Variants in LINC00632 observed in about 807,000 individuals in gnomAD.
LINC00632 encodes the protein ALDOA related specific transcript.
intron 2 of LINC00632, among the ~76,000 whole-genome samples, chrX:140,723,374 C>G (rs113328083): frequency 1.2e-4 from 2 of 17,026 alleles, no homozygotes; most frequent in Non-Finnish European, 2.3e-4. Flanking sequence ...ACACACATTC[C>G]ATACACACAC....
intron 3 of LINC00632, among the ~76,000 whole-genome samples, chrX:140,764,969 G>A (rs1264573532): frequency 9.0e-6 from 1 of 111,316 alleles, no homozygotes; most frequent in Non-Finnish European, 1.9e-5. Context: ...CACTCGCCTC[G>A]GGTGCAAAAT....
At chrX:140,713,804 A>C in intron 2 of LINC00632, 1 of 329,745 alleles carries the variant, frequency 3.0e-6, no homozygotes, top group Non-Finnish European at 6.0e-6. Flanking sequence ...CACCTGAGGC[A>C]CACTGATGCA....
intron 3 of LINC00632, among the ~76,000 whole-genome samples, chrX:140,770,735 T>C (rs1931775420): frequency 8.9e-6 from 1 of 111,764 alleles, no homozygotes; most frequent in South Asian, 3.8e-4. Flanking sequence ...ATTCCCTCAG[T>C]TCTTCCAAAA....
intron 3 of LINC00632, among the ~76,000 whole-genome samples, chrX:140,761,994 A>T (rs1224216014): frequency 2.7e-5 from 3 of 111,859 alleles, no homozygotes; most frequent in African/African-American, 9.8e-5. Context: ...ACCTTGAGTA[A>T]GCCAATGTTT....
Position 140,726,704 on chromosome X carries a change from C to T in LINC00632, n.105-7174C>T, listed in dbSNP as rs897808601. ...CCAGATTGCATCAGAGCAGACACTC[C>T]ACCCAAGATATACGGCTTCTTCCAC... On this transcript the variant is annotated intron_variant and non_coding_transcript_variant, in intron 2 of 4. Coordinates refer to ENST00000648200, the Ensembl canonical transcript of LINC00632. Among the ~76,000 whole-genome samples the T allele has an allele frequency of 5.4e-5, 6 of 111,975 alleles. No homozygotes were observed. The Admixed American group carries it at 5.7e-4, about 11-fold the overall frequency.
chrX:140,724,595 C>T (rs760824925), intron 2 of LINC00632, among the ~76,000 whole-genome samples: 1 of 9,456 alleles, frequency 1.1e-4, no homozygotes, highest in Admixed American at 1.4e-3. Context: ...CACAGACACA[C>T]ATTCTGTACA....
exon 5 of LINC00632, chrX:140,783,434 C>T (rs1407780311): frequency 1.6e-5 from 10 of 614,981 alleles, no homozygotes; most frequent in Admixed American, 3.7e-5. Context: ...GGAAAATCCA[C>T]GTCTTCCAGG....
chrX:140,726,082 C>T (rs1199126538), intron 2 of LINC00632, among the ~76,000 whole-genome samples: 1 of 109,981 alleles, frequency 9.1e-6, no homozygotes, highest in Non-Finnish European at 1.9e-5. Context: ...TTTTTCTACA[C>T]TGCCAACACT....
chrX:140,776,189 T>G (rs1045650066), exon 5 of LINC00632, among the ~76,000 whole-genome samples: 1 of 112,087 alleles, frequency 8.9e-6, no homozygotes, highest in Non-Finnish European at 1.9e-5. Flanking sequence ...TCATCACTGA[T>G]CATTAGAGAA....
chrX:140,791,180 T>C (rs1368689492), exon 5 of LINC00632, among the ~76,000 whole-genome samples: 1 of 110,505 alleles, frequency 9.0e-6, no homozygotes, highest in African/African-American at 3.4e-5. Flanking sequence ...CTGTTCTTGA[T>C]TGACTTATAA....
At chrX:140,782,021 G>C (rs1443543723) in exon 5 of LINC00632, among the ~76,000 whole-genome samples, 1 of 112,118 alleles carries the variant, frequency 8.9e-6, no homozygotes, top group African/African-American at 3.2e-5. Flanking sequence ...AATAAGGCCA[G>C]TTCATTGAGA....
intron 2 of LINC00632, among the ~76,000 whole-genome samples, chrX:140,733,673 A>C (rs1931096578): frequency 1.8e-5 from 2 of 112,361 alleles, no homozygotes; most frequent in South Asian, 7.3e-4. Flanking sequence ...AGATGTATTA[A>C]TCAACTTTTT....
Position 140,729,710 on chromosome X carries a change from A to T in LINC00632, n.105-4168A>T, listed in dbSNP as rs188750072. Among the ~76,000 whole-genome samples the T allele has an allele frequency of 8.1e-4, 89 of 110,456 alleles. No homozygotes were observed. The Middle Eastern group carries it at 0.014, about 17-fold the overall frequency. On this transcript the variant is annotated intron_variant and non_coding_transcript_variant, in intron 2 of 4. Coordinates refer to ENST00000648200, the Ensembl canonical transcript of LINC00632. ...ACAAAGCATGCTCACCCCAAACCAG[A>T]TGCCGATGACCAACTGGGTCCATGC... is the stretch of plus-strand genomic sequence containing the variant.
chrX:140,711,941 C>A (rs1930525143), intron 2 of LINC00632: 1 of 124,671 alleles, frequency 8.0e-6, no homozygotes, highest in African/African-American at 3.3e-5. Context: ...ACCTAGAATT[C>A]ATTTTGATAT....
chrX:140,783,735 C>CTT (rs754934396), exon 5 of LINC00632: 2 of 1,211,271 alleles, frequency 1.7e-6, no homozygotes, highest in South Asian at 3.5e-5. Context: ...CAATCCACAT[C>CTT]TTCCGGAAAA....
intron 3 of LINC00632, among the ~76,000 whole-genome samples, chrX:140,762,966 ATATATT>A (rs1473972468): frequency 8.9e-6 from 1 of 112,144 alleles, no homozygotes; most frequent in Non-Finnish European, 1.9e-5. Context: ...TCCTTAATCT[ATATATT>A]TATAACTCTC....
At chrX:140,755,077 G>A (rs1360810808) in intron 3 of LINC00632, among the ~76,000 whole-genome samples, 1 of 111,783 alleles carries the variant, frequency 8.9e-6, no homozygotes, top group Non-Finnish European at 1.9e-5. Flanking sequence ...ATTTAGAACA[G>A]ATTTTCAAAA....
intron 2 of LINC00632, among the ~76,000 whole-genome samples, chrX:140,728,032 G>A (rs1386410616): frequency 1.8e-5 from 2 of 110,972 alleles, no homozygotes; most frequent in Non-Finnish European, 3.8e-5. Context: ...CCTGACATTG[G>A]GAGTTCGAGA....
At chrX:140,713,736 A>G (rs749636171) in intron 2 of LINC00632, 1 of 341,580 alleles carries the variant, frequency 2.9e-6, no homozygotes, top group South Asian at 2.6e-5. Context: ...TGGACACCCC[A>G]ATCCCCGTAT....
Sources: gnomAD v4.1 joint callset for allele counts (sites outside exome capture counted in the v4.1 genomes callset) on GRCh38, gnomAD v4.1.1 for gene constraint, MANE v1.5 for transcripts, NCBI Gene and HGNC (gene_info 2026-07-23, HGNC 2026-07-21) for gene names.